Variants in PRH1 observed in about 807,000 individuals in gnomAD.
PRH1 encodes the protein proline rich protein HaeIII subfamily 1.
PRH1 carries 7 observed loss-of-function variants against 7.9 expected under a neutral mutation model. The observed-to-expected ratio is 0.89, with a 90% CI of 0.50 to 1.67. The LOEUF (loss-of-function observed/expected upper bound fraction) is 1.67, where lower values mean the gene tolerates loss of function less well. PRH1 is among the 40% of genes most tolerant of loss of function. The pLI is 0.00. For synonymous variants in PRH1, 45 were observed against 80.8 expected, an observed-to-expected ratio of 0.56 and a Z score of 2.38; for missense variants, 109 against 223.6, an observed-to-expected ratio of 0.49 and a Z score of 3.27.
chr12:10,970,947 A>G (rs376678999), intron 2 of PRH1, among the ~76,000 whole-genome samples: 197 of 152,354 alleles, frequency 1.3e-3, no homozygotes, highest in African/African-American at 4.3e-3. Flanking sequence ...TTACAGTTCT[A>G]TCTATGAGAA....
chr12:11,073,575 T>G (rs1193902023), intron 1 of PRH1, among the ~76,000 whole-genome samples: 3 of 151,852 alleles, frequency 2.0e-5, no homozygotes, highest in Admixed American at 1.3e-4. Context: ...GACTTGTTAA[T>G]AAAGTCCTTT....
chr12:11,171,424 C>T (rs534627309), exon 1 of PRH1: 1 of 1,231,928 alleles, frequency 8.1e-7, no homozygotes, highest in East Asian at 3.2e-5. Context: ...ACACCCACCT[C>T]GTACGGCGTC....
intron 1 of PRH1, among the ~76,000 whole-genome samples, chr12:11,042,043 C>A (rs905935476): frequency 6.6e-6 from 1 of 151,962 alleles, no homozygotes; most frequent in African/African-American, 2.4e-5. Flanking sequence ...TTCAAATAAA[C>A]AACCTAATTG....
chr12:10,976,749 A>T (rs1334572789), intron 1 of PRH1, among the ~76,000 whole-genome samples: 2 of 152,154 alleles, frequency 1.3e-5, no homozygotes, highest in Non-Finnish European at 2.9e-5. Context: ...CACTGACCCC[A>T]CTGAAATGCA....
At chr12:11,030,307 T>A in intron 1 of PRH1, 1 of 1,525,958 alleles carries the variant, frequency 6.6e-7, no homozygotes, top group Non-Finnish European at 8.8e-7. Context: ...AAATTATTCA[T>A]ACACATACAG....
chr12:11,144,595 C>T (rs1336619381), intron 1 of PRH1, among the ~76,000 whole-genome samples: 1 of 152,206 alleles, frequency 6.6e-6, no homozygotes, highest in Non-Finnish European at 1.5e-5. Context: ...CATCCTCCCC[C>T]GAGTTCTGGC....
intron 1 of PRH1, chr12:10,986,484 C>T (rs1487387693): frequency 2.5e-6 from 4 of 1,613,920 alleles, no homozygotes; most frequent in East Asian, 2.2e-5. Flanking sequence ...AATGACACTC[C>T]TAACTCTCCT....
chr12:11,069,120 G>GTTC (rs1943951389), intron 1 of PRH1, among the ~76,000 whole-genome samples: 1 of 22,342 alleles, frequency 4.5e-5, no homozygotes, highest in Non-Finnish European at 1.9e-4. Flanking sequence ...GTTTCACCAT[G>GTTC]TTTCCTAGGT....
chr12:11,110,402 T>G (rs1334777174), intron 1 of PRH1, among the ~76,000 whole-genome samples: 2 of 152,106 alleles, frequency 1.3e-5, no homozygotes, highest in Admixed American at 1.3e-4. Flanking sequence ...GAAAAAATGT[T>G]AAGAACAGCC....
chr12:11,061,545 C>T (rs376068759), intron 1 of PRH1: 8 of 1,613,986 alleles, frequency 5.0e-6, no homozygotes, highest in Non-Finnish European at 6.8e-6. Context: ...TCTCAAAACT[C>T]CAAACTGACA....
rs562364764 is a variant in PRH1, at chr12:11,078,260, G to C, written n.124-31072C>G. ...TATACCATGTTTGAACAGACAAAAA[G>C]AAAAAAATTGCAGTCTTAATAACAC... On this transcript the variant is annotated intron_variant and non_coding_transcript_variant, in intron 1 of 4. Coordinates refer to the PRH1 transcript ENST00000541977. 199 of 146,548 alleles carry C rather than the reference G, an allele frequency of 1.4e-3. 9 individuals are homozygous for C. The East Asian group carries it at 0.022, about 16-fold the overall frequency. The allele number at this position is 146,548 out of a possible 1,614,324, so 9.1% of individuals were successfully genotyped here.
intron 1 of PRH1, among the ~76,000 whole-genome samples, chr12:11,132,444 G>A (rs1028389027): frequency 1.3e-5 from 2 of 151,850 alleles, no homozygotes; most frequent in African/African-American, 2.4e-5. Flanking sequence ...GCTTAGAAGT[G>A]CTTTAGAAAA....
intron 1 of PRH1, among the ~76,000 whole-genome samples, chr12:11,089,632 T>TA (rs1944813840): frequency 7.6e-6 from 1 of 131,180 alleles, no homozygotes; most frequent in Non-Finnish European, 1.7e-5. Flanking sequence ...GGTATTACAT[T>TA]AAAAACATTT....
upstream of PRH1, among the ~76,000 whole-genome samples, chr12:10,886,300 C>T (rs1364395969): frequency 6.6e-6 from 1 of 152,144 alleles, no homozygotes; most frequent in African/African-American, 2.4e-5. Flanking sequence ...GAGTGCCAGG[C>T]AGATATTGCC....
intron 1 of PRH1, among the ~76,000 whole-genome samples, chr12:11,158,082 C>T (rs1018389745): frequency 1.3e-5 from 2 of 152,142 alleles, no homozygotes; most frequent in Admixed American, 1.3e-4. Flanking sequence ...TATTTTTTCC[C>T]TTTATTCCAT....
chr12:10,928,826 C>T (rs563095688), intron 2 of PRH1, among the ~76,000 whole-genome samples: 2 of 152,284 alleles, frequency 1.3e-5, no homozygotes, highest in African/African-American at 2.4e-5. Flanking sequence ...ACATATTGAC[C>T]GTCTTCACTG....
chr12:10,956,957 G>A (rs1280084677), intron 2 of PRH1, among the ~76,000 whole-genome samples: 1 of 151,952 alleles, frequency 6.6e-6, no homozygotes. Context: ...TGGATGGGAA[G>A]AATCAATATT....
chr12:10,913,088 G>C (rs1432325949), intron 2 of PRH1, among the ~76,000 whole-genome samples: 2 of 152,168 alleles, frequency 1.3e-5, no homozygotes, highest in African/African-American at 4.8e-5. Context: ...TGAGTGCATA[G>C]AGCGTTAGAA....
intron 1 of PRH1, chr12:11,133,348 G>C (rs781504515): frequency 6.2e-7 from 1 of 1,613,666 alleles, no homozygotes; most frequent in South Asian, 1.1e-5. Flanking sequence ...CTTTCACCCA[G>C]TACCTCACAT....
Sources: allele counts gnomAD v4.1 joint callset (sites outside exome capture counted in the v4.1 genomes callset), GRCh38; gene constraint gnomAD v4.1.1; transcripts MANE v1.5; gene names NCBI Gene and HGNC (gene_info 2026-07-23, HGNC 2026-07-21).